The following CSAD variants were observed in gnomAD, a reference collection of about 807,000 sequenced individuals.
CSAD encodes the protein P-selectin cytoplasmic tail-associated protein.
In CSAD, 47 loss-of-function variants were observed where a neutral mutation model predicts 61.5. That is an observed-to-expected ratio of 0.76 (90% CI 0.60 to 0.97). The LOEUF is 0.97. Ranked by LOEUF, CSAD falls within the 50% of genes least tolerant of loss-of-function variation. The pLI is 0.00. For missense variants in CSAD, 611 were observed against 643.6 expected, an observed-to-expected ratio of 0.95 and a Z score of 0.55; for synonymous variants, 245 against 252.7, an observed-to-expected ratio of 0.97 and a Z score of 0.29.
chr12:53,165,158 AGAGATG>A, intron 10 of CSAD, among the ~76,000 whole-genome samples: 1 of 152,194 alleles, frequency 6.6e-6, no homozygotes, highest in Middle Eastern at 3.4e-3. Context: ...GAATTTTGGT[AGAGATG>A]TGTCTCTACC....
intron 13 of CSAD, 151 bp downstream of exon 13, chr12:53,160,612 G>T: frequency 1.4e-6 from 1 of 733,754 alleles, no homozygotes; most frequent in Non-Finnish European, 2.3e-6. Context: ...GAGTGAAGGA[G>T]CCTAATACAG....
At position 53,159,715 on chromosome 12, in the gene CSAD, G is replaced by A. The variant is rs758454436; in HGVS notation, c.1219-3C>T. On this transcript the variant is annotated splice_region_variant and splice_polypyrimidine_tract_variant and intron_variant, in intron 15 of 16. Transcript: ENST00000444623. ...AAACACACATTGACAAACTCAGGCT[G>A]AGAGGAATGAGAAAGAGGAAGGTGT... is the stretch of plus-strand genomic sequence containing the variant. 29 of 1,605,094 alleles carry A rather than the reference G, an allele frequency of 1.8e-5. 1 individual carries two copies. The Admixed American group carries it at 4.8e-4, about 26-fold the overall frequency.
intron 10 of CSAD, among the ~76,000 whole-genome samples, chr12:53,169,839 T>C (rs1225475521): frequency 6.6e-6 from 1 of 152,098 alleles, no homozygotes; most frequent in African/African-American, 2.4e-5. Context: ...TGCCTGGGAC[T>C]CGCTCCCTCA....
rs1229585002 is a variant in CSAD, at chr12:53,160,822, G to T, written c.907C>A (p.Pro303Thr). Residue 303 changes from proline to threonine, a missense_variant, in exon 13 of 17, where the codon CCC (proline) becomes ACC (threonine). Pro to Thr is a conservative substitution (Grantham distance 38). Coordinates refer to ENST00000444623, the MANE Select transcript of CSAD (RefSeq NM_001244705.2). ...AGGCCTGCTGCGAGGAGCTTGTGGG[G>T]ATTCCAGGCCACAGAGTCAGCCCTG... ...IQRADSVAWN[P>T]HKLLAAGLQC... 1 of 1,551,988 alleles carries T rather than the reference G, an allele frequency of 6.4e-7. No individual in the cohort carries two copies. Among genetic ancestry groups the T allele is most frequent in the African/African-American group, 1.4e-5 (1 of 73,182 alleles).
At chr12:53,174,191 CTA>C in intron 2 of CSAD, among the ~76,000 whole-genome samples, 5 of 143,716 alleles carry the variant, frequency 3.5e-5, no homozygotes, top group Non-Finnish European at 7.4e-5. Context: ...GTAGTCCCAG[CTA>C]GCTACTCTGG....
chr12:53,171,212 C>A, intron 8 of CSAD, 114 bp downstream of exon 8: 1 of 1,503,356 alleles, frequency 6.7e-7, no homozygotes, highest in Non-Finnish European at 9.1e-7. Flanking sequence ...CGCCTGGGGG[C>A]AGGCTGGCCT....
In CSAD at chr12:53,160,212, G is replaced by A; in HGVS notation, c.1074C>T (p.Arg358=). ...DTGDKVVQCG[R]RVDCLKLWLM... ...GCCACAGCTTCAGACAGTCCACACG[G>A]CGGCCACACTGCACCACCTTGTCTC... Residue 358 remains arginine, a synonymous_variant, in exon 14 of 17, where the codon CGC becomes CGT. Coordinates refer to ENST00000444623, the MANE Select transcript of CSAD (RefSeq NM_001244705.2). 2.5e-6 allele frequency: 4 copies of A among 1,614,226 alleles called. No individual in the cohort carries two copies. The highest frequency in any genetic ancestry group is 2.5e-6 in the Non-Finnish European group (3 of 1,180,050).
At chr12:53,170,255 G>A in intron 9 of CSAD, 129 bp from the exon 10 acceptor site, 1 of 1,012,296 alleles carries the variant, frequency 9.9e-7, no homozygotes, top group South Asian at 1.4e-5. Flanking sequence ...TCTCAGGGCA[G>A]AGGTGGGAGA....
rs924465910 is a variant in CSAD at position 53,158,148 on chromosome 12, A to AT, written c.*362dup. ...TGGCCTAAAAAGGCTGTTCTTTTTTATTTTTTTTGGAACAGAGTCTCGTAC... is the reference window on the plus strand; with the variant it reads ...TGGCCTAAAAAGGCTGTTCTTTTTTATTTTTTTTTGGAACAGAGTCTCGTAC... On this transcript the variant is annotated 3_prime_UTR_variant, in exon 17 of 17. Transcript: ENST00000444623. The AT allele has an allele frequency of 8.8e-5, 14 of 158,974 alleles. No individual in the cohort carries two copies. Among genetic ancestry groups the AT allele is most frequent in the South Asian group, 5.8e-4 (3 of 5,198 alleles). 9.8% of individuals were successfully genotyped at this position (158,974 alleles called of 1,614,324 possible).
intron 10 of CSAD, 130 bp downstream of exon 10, chr12:53,169,942 G>T (rs1291289855): frequency 7.6e-6 from 6 of 787,810 alleles, no homozygotes; most frequent in African/African-American, 1.7e-5. Context: ...GCTCTCCATG[G>T]TCACTTCAGC....
In CSAD at chr12:53,158,623, GGCTGGTAGC is replaced by G. The variant is rs1236173842; in HGVS notation, c.1361_1369del (p.Gly454_Pro457delinsAla). ...GAAGAAGTTGCCCCGGGTCCCGTGG[GGCTGGTAGC>G]CAATCATCATGGAGCCCTCCTTCAC... On this transcript the variant is annotated inframe_deletion, in exon 17 of 17. Coordinates refer to ENST00000444623, the MANE Select transcript of CSAD (RefSeq NM_001244705.2). The G allele has an allele frequency of 6.2e-7, 1 of 1,614,180 alleles. No individual in the cohort carries two copies. Among genetic ancestry groups the G allele is most frequent in the Admixed American group, 1.7e-5 (1 of 60,020 alleles).
rs1941530358 is a variant in CSAD, at chr12:53,180,647, G to A, written c.-91+85C>T. 4 of 1,283,564 alleles carry A rather than the reference G, an allele frequency of 3.1e-6. No individual in the cohort carries two copies. In the South Asian group the frequency reaches 3.7e-5, roughly 12 times the overall value. 79.5% of individuals were successfully genotyped at this position (1,283,564 alleles called of 1,614,324 possible). On this transcript the variant is annotated intron_variant, in intron 1 of 16. Transcript: ENST00000444623. ...TAGTCTAGCTGCCGAGCCCGGAAGT[G>A]GATGCAGCCGCTCGGCGGAGAGGAC...
intron 12 of CSAD, 37 bp from the exon 13 acceptor site, chr12:53,160,881 T>A: frequency 2.0e-6 from 3 of 1,524,624 alleles, no homozygotes; most frequent in Non-Finnish European, 1.8e-6. Context: ...CAGTGGCTCC[T>A]CCTCCAGCTG....
Position 53,161,190 on chromosome 12 carries a change from G to A in CSAD, c.821C>T (p.Ala274Val). ...QRHGLWLHVD[A>V]AWGGSVLLSQ... Reference sequence around the variant, plus strand: ...CAGCAGGACGCTCCCACCCCAGGCAGCCTGTGGAGCAGGAGGAACAACGTG... The same window carrying A: ...CAGCAGGACGCTCCCACCCCAGGCAACCTGTGGAGCAGGAGGAACAACGTG... Residue 274 changes from alanine to valine, a missense_variant and splice_region_variant, in exon 12 of 17, where the codon GCT becomes GTT. Coordinates refer to ENST00000444623, the MANE Select transcript of CSAD (RefSeq NM_001244705.2). The A allele has an allele frequency of 1.2e-6, 2 of 1,614,180 alleles. No individual in the cohort carries two copies. The highest frequency in any genetic ancestry group is 1.7e-6 in the Non-Finnish European group (2 of 1,180,040).
Position 53,163,529 on chromosome 12 carries a change from T to G in CSAD, c.703-2140A>C, listed in dbSNP as rs1019468414. On this transcript the variant is annotated intron_variant, in intron 10 of 16. Transcript: ENST00000444623. ...ATTGTATCTCTATACACATTAGCAA[T>G]GAACAATCTAAAAATGAAATTAAGA... Among the ~76,000 whole-genome samples the G allele has an allele frequency of 2.0e-5, 3 of 152,018 alleles. No individual in the cohort carries two copies. In the East Asian group the frequency reaches 5.8e-4, roughly 29 times the overall value.
chr12:53,180,609 A>T, intron 1 of CSAD, 123 bp downstream of exon 1: 1 of 1,284,030 alleles, frequency 7.8e-7, no homozygotes, highest in South Asian at 1.2e-5. Context: ...ACCCGCTCTG[A>T]GGCTGCCCCC....
intron 16 of CSAD, among the ~76,000 whole-genome samples, 184 bp from the exon 17 acceptor site, chr12:53,158,868 T>C (rs936538039): frequency 5.3e-5 from 8 of 152,200 alleles, no homozygotes; most frequent in African/African-American, 1.9e-4. Context: ...TCTAACCTGC[T>C]TGGCCTTCGC....
chr12:53,179,682 A>T, intron 1 of CSAD: 4 of 1,124,416 alleles, frequency 3.6e-6, no homozygotes, highest in Non-Finnish European at 5.2e-6. Flanking sequence ...AAAAAAAAAA[A>T]GTTGAGAATC....
rs1345113451 is a variant in CSAD at position 53,159,807 on chromosome 12, C to T, written c.1218+80G>A. On this transcript the variant is annotated intron_variant, in intron 15 of 16. Coordinates refer to ENST00000444623, the MANE Select transcript of CSAD (RefSeq NM_001244705.2). ...TCCCCTCTCCCTGCCCTTTTCCCTCCACTAGGGCTTTAGTTGGGGCTTGGG... is the reference window on the plus strand; with the variant it reads ...TCCCCTCTCCCTGCCCTTTTCCCTCTACTAGGGCTTTAGTTGGGGCTTGGG... 2.0e-6 allele frequency: 3 copies of T among 1,532,718 alleles called. No homozygotes were observed. The East Asian group carries it at 7.2e-5, about 37-fold the overall frequency. 94.9% of individuals were successfully genotyped at this position (1,532,718 alleles called of 1,614,324 possible).
Sources: gnomAD v4.1 joint callset for allele counts (sites outside exome capture counted in the v4.1 genomes callset) on GRCh38, gnomAD v4.1.1 for gene constraint, MANE v1.5 for transcripts, NCBI Gene and HGNC (gene_info 2026-07-23, HGNC 2026-07-21) for gene names.